The following ZNF385B variants were observed in gnomAD, a reference collection of about 807,000 sequenced individuals.
ZNF385B encodes the protein zinc finger protein 385B, also known as zinc finger protein 533.
In ZNF385B, 23 loss-of-function variants were observed where a neutral mutation model predicts 39.2. That is an observed-to-expected ratio of 0.59 (90% CI 0.42 to 0.83). ZNF385B has a LOEUF of 0.83. Ranked by LOEUF, ZNF385B falls within the 40% of genes least tolerant of loss-of-function variation. ZNF385B has a pLI of 0.00. For synonymous variants in ZNF385B, 205 were observed against 222.6 expected, an observed-to-expected ratio of 0.92 and a Z score of 0.70; for missense variants, 552 against 598.9, an observed-to-expected ratio of 0.92 and a Z score of 0.82.
At chr2:179,617,359 A>T (rs1351634847) in intron 3 of ZNF385B, among the ~76,000 whole-genome samples, 1 of 152,122 alleles carries the variant, frequency 6.6e-6, no homozygotes, top group Non-Finnish European at 1.5e-5. Context: ...TTCTTTTTCA[A>T]AGGAAGAATA....
chr2:179,728,428 T>A lies in ZNF385B; in HGVS notation c.298+41075A>T, dbSNP rs1481533126. Among the ~76,000 whole-genome samples, 22 of 152,120 alleles carry A rather than the reference T, an allele frequency of 1.4e-4. 1 individual carries two copies. The highest frequency in any genetic ancestry group is 1.4e-3 in the Admixed American group (22 of 15,262). On this transcript the variant is annotated intron_variant, in intron 3 of 9. Coordinates refer to ENST00000410066, the MANE Select transcript of ZNF385B (RefSeq NM_152520.6). ...ATAACTACGTGACTTACTGAAGGTA[T>A]CAAAATCCATTGGTAGCTCAAGATG...
chr2:179,714,350 T>C lies in ZNF385B; in HGVS notation c.298+55153A>G, dbSNP rs138756948. Reference sequence around the variant, plus strand: ...ATTCCCATTTTATGTACATGGCAACTGAGGCAAAGAGCTCTTAAGTTACTT... The same window carrying C: ...ATTCCCATTTTATGTACATGGCAACCGAGGCAAAGAGCTCTTAAGTTACTT... On this transcript the variant is annotated intron_variant, in intron 3 of 9. Coordinates refer to ENST00000410066, the MANE Select transcript of ZNF385B (RefSeq NM_152520.6). Among the ~76,000 whole-genome samples the C allele has an allele frequency of 3.9e-5, 6 of 152,328 alleles. No individual in the cohort carries two copies. The East Asian group carries it at 1.2e-3, about 29-fold the overall frequency.
At chr2:179,692,538 A>G (rs181275571) in intron 3 of ZNF385B, among the ~76,000 whole-genome samples, 1 of 152,292 alleles carries the variant, frequency 6.6e-6, no homozygotes, top group African/African-American at 2.4e-5. Flanking sequence ...AGGCTATTAG[A>G]TTAATGATAA....
chr2:179,443,891 C>T (rs544876308), intron 9 of ZNF385B, among the ~76,000 whole-genome samples: 2 of 152,264 alleles, frequency 1.3e-5, no homozygotes, highest in South Asian at 4.1e-4. Context: ...AGATAAGCTG[C>T]ATTGAGGTTA....
intron 3 of ZNF385B, among the ~76,000 whole-genome samples, chr2:179,766,671 A>G (rs1477819955): frequency 1.3e-5 from 2 of 152,162 alleles, no homozygotes; most frequent in Non-Finnish European, 2.9e-5. Flanking sequence ...ATATTGGATT[A>G]CAGCCCATCC....
rs898633015 is a variant in ZNF385B at position 179,483,216 on chromosome 2, A to G, written c.715+56T>C. Reference sequence around the variant, plus strand: ...CAACTGAGGGCAGGAAAACGGGGTCAGGGCAGGGGAACAGGAGAAACACAA... The same window carrying G: ...CAACTGAGGGCAGGAAAACGGGGTCGGGGCAGGGGAACAGGAGAAACACAA... On this transcript the variant is annotated intron_variant, in intron 6 of 9. Transcript: ENST00000410066. 4 of 1,593,694 alleles carry G rather than the reference A, an allele frequency of 2.5e-6. No individual in the cohort carries two copies. In the Admixed American group the frequency reaches 6.8e-5, roughly 27 times the overall value.
intron 1 of ZNF385B, among the ~76,000 whole-genome samples, chr2:179,858,032 T>C (rs1260764272): frequency 6.6e-6 from 1 of 152,164 alleles, no homozygotes; most frequent in Non-Finnish European, 1.5e-5. Flanking sequence ...TTTGGGAAGC[T>C]TATTCTGCAC....
chr2:179,665,726 C>T (rs115072749), intron 3 of ZNF385B, among the ~76,000 whole-genome samples: 2,469 of 152,158 alleles, frequency 0.016, 37 homozygotes, highest in Non-Finnish European at 0.026. Flanking sequence ...GGATAGCAGA[C>T]GTTCAAATAA....
chr2:179,826,681 T>C (rs1199831441), intron 1 of ZNF385B, among the ~76,000 whole-genome samples: 2 of 151,898 alleles, frequency 1.3e-5, no homozygotes, highest in African/African-American at 4.8e-5. Flanking sequence ...TTTTTTTTAA[T>C]TTGCTTTGTA....
chr2:179,634,257 T>C (rs1342446933), intron 3 of ZNF385B, among the ~76,000 whole-genome samples: 4 of 151,890 alleles, frequency 2.6e-5, no homozygotes, highest in Admixed American at 2.0e-4. Flanking sequence ...ACTATCAGAG[T>C]GATCAGGCAA....
intron 1 of ZNF385B, among the ~76,000 whole-genome samples, chr2:179,819,238 G>T (rs1707256007): frequency 6.6e-6 from 1 of 152,138 alleles, no homozygotes; most frequent in South Asian, 2.1e-4. Context: ...AACTTGAGAA[G>T]GGACTTATGG....
chr2:179,851,327 G>C, intron 1 of ZNF385B, among the ~76,000 whole-genome samples: 1 of 152,202 alleles, frequency 6.6e-6, no homozygotes, highest in East Asian at 1.9e-4. Flanking sequence ...GTGCACACCT[G>C]TAGTCCTAGC....
At chr2:179,848,243 G>A (rs1026460608) in intron 1 of ZNF385B, among the ~76,000 whole-genome samples, 1 of 152,162 alleles carries the variant, frequency 6.6e-6, no homozygotes, top group African/African-American at 2.4e-5. Flanking sequence ...GTTTACTCAG[G>A]ACTGAAATTT....
rs1418660344 is a variant in ZNF385B, at chr2:179,753,185, T to C, written c.298+16318A>G. Among the ~76,000 whole-genome samples, 4 of 152,234 alleles carry C rather than the reference T, an allele frequency of 2.6e-5. No homozygotes were observed. The East Asian group carries it at 7.7e-4, about 29-fold the overall frequency. On this transcript the variant is annotated intron_variant, in intron 3 of 9. Coordinates refer to ENST00000410066, the MANE Select transcript of ZNF385B (RefSeq NM_152520.6). The stretch of plus-strand genomic sequence containing the variant: ...AATTTGCCCAGCACCATTTGTTAAA[T>C]AGGGAATCATTTCCCCATTTCTTGT...
intron 1 of ZNF385B, among the ~76,000 whole-genome samples, chr2:179,772,515 A>AGCCTCTGC (rs1704070463): frequency 6.6e-6 from 1 of 152,154 alleles, no homozygotes; most frequent in Non-Finnish European, 1.5e-5. Context: ...CTTGCAACCA[A>AGCCTCTGC]AGTATATTTA....
intron 3 of ZNF385B, among the ~76,000 whole-genome samples, chr2:179,626,648 C>A: frequency 6.6e-6 from 1 of 152,172 alleles, no homozygotes; most frequent in Non-Finnish European, 1.5e-5. Context: ...TTTGTATATG[C>A]ATATAATTCA....
At chr2:179,504,619 G>A (rs1003068838) in intron 5 of ZNF385B, among the ~76,000 whole-genome samples, 2 of 151,770 alleles carry the variant, frequency 1.3e-5, no homozygotes, top group African/African-American at 4.9e-5. Context: ...GCATTTCTCT[G>A]ATGGCCAGTG....
chr2:179,820,503 AC>A (rs1340520684), intron 1 of ZNF385B, among the ~76,000 whole-genome samples: 1 of 151,760 alleles, frequency 6.6e-6, no homozygotes, highest in Non-Finnish European at 1.5e-5. Context: ...TTTACTCTTA[AC>A]ATACTCTTAT....
chr2:179,639,226 C>CAAAAAAAA lies in ZNF385B; in HGVS notation c.299-94265_299-94258dup, dbSNP rs59905278. Among the ~76,000 whole-genome samples the CAAAAAAAA allele has an allele frequency of 6.6e-3, 617 of 92,978 alleles. 5 individuals carry two copies. The highest frequency in any genetic ancestry group is 0.028 in the East Asian group (84 of 3,020). 61.0% of individuals were successfully genotyped at this position (92,978 alleles called of 152,430 possible). ...CTGGGGACAGAGTGAGATCCTGCCT[C>CAAAAAAAA]AAAAAAAAAAAAAAAAAAAAAAAGG... On this transcript the variant is annotated intron_variant, in intron 3 of 9. Transcript: ENST00000410066.
Sources: gnomAD v4.1 joint callset for allele counts (sites outside exome capture counted in the v4.1 genomes callset) on GRCh38, gnomAD v4.1.1 for gene constraint, MANE v1.5 for transcripts, NCBI Gene and HGNC (gene_info 2026-07-23, HGNC 2026-07-21) for gene names.